The following PPDPFL variants were observed in gnomAD, a reference collection of about 807,000 sequenced individuals.
The protein encoded by PPDPFL is pancreatic progenitor cell differentiation and proliferation factor like, also known as pancreatic progenitor cell differentiation and proliferation factor-like protein.
A neutral mutation model predicts 12.6 loss-of-function variants in PPDPFL; 12 were observed. The observed-to-expected ratio is 0.95, with a 90% CI of 0.61 to 1.54. The LOEUF is 1.54. PPDPFL is among the 40% of genes most tolerant of loss of function. The pLI is 0.00. For synonymous variants in PPDPFL, 24 were observed against 32.7 expected (o/e 0.73, Z 0.91); for missense variants, 114 against 96.0 (o/e 1.19, Z -0.78).
intron 2 of PPDPFL, among the ~76,000 whole-genome samples, chr8:49,073,336 T>A (rs987144015): frequency 6.6e-6 from 1 of 152,238 alleles, no homozygotes; most frequent in African/African-American, 2.4e-5. Flanking sequence ...AATCTATCCA[T>A]CTGTTCATAT....
At chr8:49,067,687 C>T (rs921088614), upstream of PPDPFL, among the ~76,000 whole-genome samples, 1 of 152,200 alleles carries the variant, frequency 6.6e-6, no homozygotes, top group Non-Finnish European at 1.5e-5. Context: ...ATGTGATAAA[C>T]AGATCATCTC....
rs1808474630 is a variant in PPDPFL at position 49,075,245 on chromosome 8, T to G, written c.*72T>G. On this transcript the variant is annotated 3_prime_UTR_variant, in exon 5 of 5. Coordinates refer to ENST00000522267, the MANE Select transcript of PPDPFL (RefSeq NM_001256597.2). ...GCCTGCCTTATGTAGCATGAACAGT[T>G]GATTCTGACAATCAAGATCCTCTGC... The G allele has an allele frequency of 6.2e-7, 1 of 1,613,910 alleles. No homozygotes were observed. Among genetic ancestry groups the G allele is most frequent in the Admixed American group, 1.7e-5 (1 of 60,006 alleles).
chr8:49,075,092 A>G, intron 4 of PPDPFL, 60 bp from the exon 5 acceptor site: 1 of 1,590,674 alleles, frequency 6.3e-7, no homozygotes, highest in Non-Finnish European at 8.6e-7. Flanking sequence ...CATTTGAATT[A>G]TCTGGACAGT....
At chr8:49,071,723 T>C (rs1017704972), upstream of PPDPFL, among the ~76,000 whole-genome samples, 2 of 152,120 alleles carry the variant, frequency 1.3e-5, no homozygotes, top group African/African-American at 4.8e-5. Flanking sequence ...AGAATAAAAT[T>C]TAGCTTTTGT....
chr8:49,064,935 A>G (rs1251624600), intron 1 of PPDPFL, among the ~76,000 whole-genome samples: 3 of 152,188 alleles, frequency 2.0e-5, no homozygotes, highest in Non-Finnish European at 2.9e-5. Context: ...GATACTATGG[A>G]ATGTCTGCTA....
chr8:49,055,768 A>G (rs1242208894), intron 1 of PPDPFL, among the ~76,000 whole-genome samples: 1 of 152,064 alleles, frequency 6.6e-6, no homozygotes, highest in Non-Finnish European at 1.5e-5. Flanking sequence ...CATACAAGAA[A>G]GACACTAGAT....
In PPDPFL at chr8:49,060,246, CCTATGTTATTAAA is replaced by C. The variant is rs553925789; in HGVS notation, c.-45+5878_-45+5890del. On this transcript the variant is annotated intron_variant, in intron 1 of 4. Coordinates refer to the PPDPFL transcript ENST00000517663. Reference sequence around the variant, plus strand: ...GGACTTGGGCTCTTTGATAATTATCCCTATGTTATTAAAAATGCATCTCCTGTCTCTGCCTCTG... The same window carrying C: ...GGACTTGGGCTCTTTGATAATTATCCAATGCATCTCCTGTCTCTGCCTCTG... Among the ~76,000 whole-genome samples the C allele has an allele frequency of 1.3e-3, 197 of 151,978 alleles. 2 individuals carry two copies. The highest frequency in any genetic ancestry group is 4.5e-3 in the African/African-American group (187 of 41,478).
At chr8:49,065,870 G>A (rs986856606) in intron 1 of PPDPFL, among the ~76,000 whole-genome samples, 3 of 152,196 alleles carry the variant, frequency 2.0e-5, no homozygotes, top group Admixed American at 6.5e-5. Context: ...ATTGACGTCC[G>A]AGTTGATTTT....
chr8:49,074,186 C>G lies in PPDPFL; in HGVS notation c.134-48C>G, dbSNP rs746571193. On this transcript the variant is annotated intron_variant, in intron 3 of 4. Coordinates refer to ENST00000522267, the MANE Select transcript of PPDPFL (RefSeq NM_001256597.2). ...CATCCTTATTATTTCTTTTTATTTT[C>G]AATCTCAAATTTGTTTGATAAGGAG... 50 of 1,602,470 alleles carry G rather than the reference C, an allele frequency of 3.1e-5. No individual in the cohort carries two copies. The Admixed American group carries it at 8.2e-4, about 26-fold the overall frequency.
At chr8:49,054,616 T>G (rs1298783313) in intron 1 of PPDPFL, among the ~76,000 whole-genome samples, 2 of 152,080 alleles carry the variant, frequency 1.3e-5, no homozygotes, top group Non-Finnish European at 2.9e-5. Context: ...AACCTTCACA[T>G]TGTTCAAGGG....
At chr8:49,057,937 A>G (rs1302284329) in intron 1 of PPDPFL, among the ~76,000 whole-genome samples, 1 of 152,212 alleles carries the variant, frequency 6.6e-6, no homozygotes, top group East Asian at 1.9e-4. Context: ...CTTCCTATAT[A>G]TAACATTTTG....
chr8:49,065,961 G>T (rs1011768841), intron 1 of PPDPFL, among the ~76,000 whole-genome samples: 11 of 152,188 alleles, frequency 7.2e-5, no homozygotes, highest in African/African-American at 2.4e-4. Flanking sequence ...TCATTCTCTG[G>T]TACTAGCCCT....
intron 1 of PPDPFL, among the ~76,000 whole-genome samples, chr8:49,064,338 C>T (rs1267889007): frequency 6.6e-6 from 1 of 152,160 alleles, no homozygotes; most frequent in Non-Finnish European, 1.5e-5. Flanking sequence ...GGTCAGGAAA[C>T]ACAGGCCAGA....
upstream of PPDPFL, among the ~76,000 whole-genome samples, chr8:49,070,811 C>T (rs1164440421): frequency 6.6e-6 from 1 of 152,152 alleles, no homozygotes; most frequent in Non-Finnish European, 1.5e-5. Flanking sequence ...AAAATGATTA[C>T]TACACTCAAG....
At chr8:49,073,629 A>G (rs1225208544) in intron 2 of PPDPFL, among the ~76,000 whole-genome samples, 2 of 152,230 alleles carry the variant, frequency 1.3e-5, no homozygotes, top group African/African-American at 2.4e-5. Flanking sequence ...TACAAGCCTA[A>G]TAAGACAAAA....
chr8:49,073,411 G>A (rs1300575610), intron 2 of PPDPFL, among the ~76,000 whole-genome samples: 1 of 152,082 alleles, frequency 6.6e-6, no homozygotes, highest in Admixed American at 6.5e-5. Flanking sequence ...AATAAAATAA[G>A]CATTTCAGAA....
intron 2 of PPDPFL, 72 bp from the exon 3 acceptor site, chr8:49,073,964 AAACCATGCTACTTGACAGTTTGT>A: frequency 1.2e-6 from 1 of 803,346 alleles, no homozygotes; most frequent in Non-Finnish European, 2.1e-6. Flanking sequence ...AAATGATTTC[AAACCATGCTACTTGACAGTTTGT>A]ATATAAATGA....
intron 1 of PPDPFL, among the ~76,000 whole-genome samples, chr8:49,064,514 A>T (rs976641396): frequency 6.6e-6 from 1 of 152,124 alleles, no homozygotes; most frequent in Non-Finnish European, 1.5e-5. Context: ...GGATTCAAGC[A>T]ATGCAAAGGC....
At chr8:49,073,436 A>C (rs961804960) in intron 2 of PPDPFL, among the ~76,000 whole-genome samples, 86 of 152,350 alleles carry the variant, frequency 5.6e-4, no homozygotes, top group African/African-American at 1.3e-3. Flanking sequence ...ATTAGTAGTT[A>C]TTACAAGTAT....
Sources: gnomAD v4.1 joint callset for allele counts (sites outside exome capture counted in the v4.1 genomes callset) on GRCh38, gnomAD v4.1.1 for gene constraint, MANE v1.5 for transcripts, NCBI Gene and HGNC (gene_info 2026-07-23, HGNC 2026-07-21) for gene names.